The following SEPTIN8 variants were observed in gnomAD, a reference collection of about 807,000 sequenced individuals.
SEPTIN8 encodes septin-8.
SEPTIN8 carries 22 observed loss-of-function variants against 53.1 expected under a neutral mutation model. That is an observed-to-expected ratio of 0.41 (90% CI 0.30 to 0.59). The LOEUF (loss-of-function observed/expected upper bound fraction) is 0.59, where lower values mean the gene tolerates loss of function less well. Ranked by LOEUF, SEPTIN8 falls within the 20% of genes least tolerant of loss-of-function variation. The pLI is 0.24. For missense variants in SEPTIN8, 536 were observed against 638.7 expected, an observed-to-expected ratio of 0.84 and a Z score of 1.73; for synonymous variants, 228 against 248.4, an observed-to-expected ratio of 0.92 and a Z score of 0.77.
chr5:132,753,554 C>G (rs1755047186), intron 9 of SEPTIN8: 1 of 153,582 alleles, frequency 6.5e-6, no homozygotes, highest in African/African-American at 2.4e-5. Context: ...TTTACAAGGA[C>G]TGGATTATAA....
At chr5:132,759,966 G>A (rs1478423023) in intron 9 of SEPTIN8, among the ~76,000 whole-genome samples, 1 of 152,112 alleles carries the variant, frequency 6.6e-6, no homozygotes, top group Non-Finnish European at 1.5e-5. Context: ...CACTCCTGGT[G>A]CTGGGAAAGG....
chr5:132,774,944 G>A (rs1757650985), intron 1 of SEPTIN8, among the ~76,000 whole-genome samples: 1 of 152,182 alleles, frequency 6.6e-6, no homozygotes, highest in Non-Finnish European at 1.5e-5. Context: ...AAGGGTGAAT[G>A]GAGTCCAGAC....
At chr5:132,753,301 C>T in intron 9 of SEPTIN8, 1 of 286,722 alleles carries the variant, frequency 3.5e-6, no homozygotes, top group Non-Finnish European at 6.8e-6. Context: ...GGCATTGGCC[C>T]CTGGGAGCGC....
chr5:132,757,645 A>T (rs1329352422), intron 9 of SEPTIN8: 32 of 984,968 alleles, frequency 3.2e-5, no homozygotes, highest in Non-Finnish European at 3.7e-5. Flanking sequence ...CATTAAAACT[A>T]CCCTTCCTTT....
intron 1 of SEPTIN8, among the ~76,000 whole-genome samples, chr5:132,766,503 T>C (rs573156067): frequency 6.6e-6 from 1 of 152,154 alleles, no homozygotes; most frequent in Non-Finnish European, 1.5e-5. Flanking sequence ...TGGAATGGGG[T>C]AAAATGCTGC....
At chr5:132,754,661 T>TA in intron 9 of SEPTIN8, 1 of 604,456 alleles carries the variant, frequency 1.7e-6, no homozygotes, top group Non-Finnish European at 3.0e-6. Flanking sequence ...CGTGGATTTT[T>TA]AAAAATCTTA....
At chr5:132,756,288 C>T (rs1007294019) in intron 9 of SEPTIN8, 1 of 985,042 alleles carries the variant, frequency 1.0e-6, no homozygotes, top group African/African-American at 1.7e-5. Context: ...CATATTTCCA[C>T]ATCGGCCTGG....
chr5:132,755,037 C>T (rs1170028751), intron 9 of SEPTIN8, among the ~76,000 whole-genome samples: 2 of 152,032 alleles, frequency 1.3e-5, no homozygotes, highest in Non-Finnish European at 2.9e-5. Context: ...TTTCCACCAC[C>T]TAGGAGGCCC....
chr5:132,754,533 A>G, intron 9 of SEPTIN8: 1 of 717,516 alleles, frequency 1.4e-6, no homozygotes, highest in Non-Finnish European at 2.6e-6. Context: ...TGGAGAAAGC[A>G]GAGGGTAGAC....
intron 9 of SEPTIN8, chr5:132,759,153 C>T: frequency 2.1e-6 from 1 of 468,524 alleles, no homozygotes. Context: ...AGTCCCTTGA[C>T]CAGGGCGGCA....
rs1415361728 is a variant in SEPTIN8 at position 132,773,517 on chromosome 5, C to A, written c.30+3591G>T. 6.6e-6 allele frequency among the ~76,000 whole-genome samples: 1 copy of A among 152,218 alleles called. No individual in the cohort carries two copies. Among genetic ancestry groups the A allele is most frequent in the African/African-American group, 2.4e-5 (1 of 41,448 alleles). On this transcript the variant is annotated intron_variant, in intron 1 of 9. Coordinates refer to ENST00000378719, the MANE Select transcript of SEPTIN8 (RefSeq NM_001098811.2). The surrounding 1 kb of genome is among the most constrained non-coding windows in gnomAD (Gnocchi z 4.2). ...ACGCCAAGGTATCCACCCTCTCTGT[C>A]ATCTCTGGTATTGGAATTTGGATCT...
Position 132,761,330 on chromosome 5 carries a change from G to A in SEPTIN8, c.963-65C>T, listed in dbSNP as rs1755923032. ...TGACGGAATGGGATAGGGCAGGGCAGAGCCAGAGAAGTAGAATCATGTGGG... is the reference window on the plus strand; with the variant it reads ...TGACGGAATGGGATAGGGCAGGGCAAAGCCAGAGAAGTAGAATCATGTGGG... On this transcript the variant is annotated intron_variant, in intron 7 of 9. Transcript: ENST00000378719. This position sits in a 1 kb window ranked among gnomAD's most constrained non-coding sequence, Gnocchi z 5.8. The A allele has an allele frequency of 1.2e-6, 2 of 1,603,368 alleles. No individual in the cohort carries two copies. The highest frequency in any genetic ancestry group is 1.7e-5 in the Admixed American group (1 of 59,742).
Position 132,760,471 on chromosome 5 carries a change from G to C in SEPTIN8, c.1286+331C>G, listed in dbSNP as rs184280668. ...CCAAGGGGGCTATGGGAGAGCGAAT[G>C]GGTGAGCAAGAAAGTTGGAGGAAGA... On this transcript the variant is annotated intron_variant, in intron 9 of 9. Coordinates refer to ENST00000378719, the MANE Select transcript of SEPTIN8 (RefSeq NM_001098811.2). This position sits in a 1 kb window ranked among gnomAD's most constrained non-coding sequence, Gnocchi z 5.2. 2.5e-4 allele frequency among the ~76,000 whole-genome samples: 38 copies of C among 152,256 alleles called. 1 individual carries two copies. The highest frequency in any genetic ancestry group is 9.1e-4 in the African/African-American group (38 of 41,568).
intron 9 of SEPTIN8, chr5:132,752,855 T>C (rs1406508257): frequency 6.2e-7 from 1 of 1,611,128 alleles, no homozygotes; most frequent in Non-Finnish European, 8.5e-7. Context: ...GGCCACTCTA[T>C]TCTAATACAG....
In SEPTIN8 at chr5:132,777,141, G is replaced by A. The variant is rs762382078; in HGVS notation, c.-4C>T. On this transcript the variant is annotated 5_prime_UTR_variant, in exon 1 of 10. Coordinates refer to ENST00000378719, the MANE Select transcript of SEPTIN8 (RefSeq NM_001098811.2). The surrounding 1 kb of genome is among the most constrained non-coding windows in gnomAD (Gnocchi z 4.1). ...GCTCCAGGTCGGTGGCCGCCATGGC[G>A]AGCTCCGCACCGGGCGGGTGGGCTG... 2.3e-5 allele frequency: 27 copies of A among 1,164,096 alleles called. No individual in the cohort carries two copies. In the Admixed American group the frequency reaches 1.1e-3, roughly 46 times the overall value. 72.1% of individuals were successfully genotyped at this position (1,164,096 alleles called of 1,614,324 possible).
Position 132,760,463 on chromosome 5 carries a change from G to A in SEPTIN8, c.1286+339C>T, listed in dbSNP as rs1488560821. Among the ~76,000 whole-genome samples, 1 of 152,120 alleles carries A rather than the reference G, an allele frequency of 6.6e-6. No homozygotes were observed. The highest frequency in any genetic ancestry group is 1.5e-5 in the Non-Finnish European group (1 of 68,034). On this transcript the variant is annotated intron_variant, in intron 9 of 9. Coordinates refer to ENST00000378719, the MANE Select transcript of SEPTIN8 (RefSeq NM_001098811.2). The surrounding 1 kb of genome is among the most constrained non-coding windows in gnomAD (Gnocchi z 5.2). ...CACAGCTGCCAAGGGGGCTATGGGA[G>A]AGCGAATGGGTGAGCAAGAAAGTTG... is the stretch of plus-strand genomic sequence containing the variant.
At position 132,760,919 on chromosome 5, in the gene SEPTIN8, T is replaced by C; in HGVS notation, c.1169A>G (p.Glu390Gly). 6.2e-7 allele frequency: 1 copy of C among 1,606,464 alleles called. No homozygotes were observed. The highest frequency in any genetic ancestry group is 8.5e-7 in the Non-Finnish European group (1 of 1,177,460). Residue 390 changes from glutamate to glycine, a missense_variant, in exon 9 of 10, where the codon GAA becomes GGA. This residue lies in a region of SEPTIN8 where 133 missense variants were observed against 157.4 expected (regional missense o/e 0.84). Transcript: ENST00000378719. This position sits in a 1 kb window ranked among gnomAD's most constrained non-coding sequence, Gnocchi z 5.2. ...GAAGGCGTTGGTCTCCTCCTCCAGT[T>C]CCCGGCGCTTTTCCTCCACCTTGCG... ...EKRKVEEKRR[E>G]LEEETNAFNR...
At chr5:132,779,777 A>G (rs1371303757), upstream of SEPTIN8, among the ~76,000 whole-genome samples, 1 of 152,238 alleles carries the variant, frequency 6.6e-6, no homozygotes, top group Admixed American at 6.5e-5. Context: ...ACTCCTTCAC[A>G]TCTAGGCAAT....
At chr5:132,764,157 C>T in intron 3 of SEPTIN8, 67 bp downstream of exon 3, 2 of 1,502,330 alleles carry the variant, frequency 1.3e-6, no homozygotes, top group Non-Finnish European at 1.8e-6. Context: ...GGCTGGGCTA[C>T]TGTTATAGGG....
Sources: gnomAD v4.1 joint callset for allele counts (sites outside exome capture counted in the v4.1 genomes callset) on GRCh38, gnomAD v4.1.1 for gene constraint, gnomAD v4.1.1 regional missense constraint, Gnocchi (gnomAD v3.1) non-coding constraint, MANE v1.5 for transcripts, NCBI Gene and HGNC (gene_info 2026-07-23, HGNC 2026-07-21) for gene names.